The following PDE4D variants were observed in gnomAD, a reference collection of about 807,000 sequenced individuals.
PDE4D encodes 3',5'-cyclic-AMP phosphodiesterase 4D.
Under a neutral mutation model 87.4 loss-of-function variants are expected in PDE4D, and 24 were observed. That is an observed-to-expected ratio of 0.27 (90% CI 0.20 to 0.39). The LOEUF is 0.39. PDE4D is among the 10% of genes least tolerant of loss of function. The probability of loss-of-function intolerance (pLI) is 1.00; values close to 1 mark genes in which losing one functional copy is unlikely to be tolerated. For missense variants in PDE4D, 714 were observed against 1,041.0 expected (o/e 0.69, Z 4.32); for synonymous variants, 384 against 383.2 (o/e 1.00, Z -0.02).
intron 6 of PDE4D, among the ~76,000 whole-genome samples, chr5:59,025,254 T>C (rs1192174165): frequency 6.6e-6 from 1 of 152,166 alleles, no homozygotes; most frequent in African/African-American, 2.4e-5. Context: ...CCTAAATTCT[T>C]GCTACAAAGC....
intron 1 of PDE4D, among the ~76,000 whole-genome samples, chr5:60,314,261 A>G (rs551984663): frequency 2.0e-5 from 3 of 151,310 alleles, no homozygotes; most frequent in Non-Finnish European, 4.4e-5. Context: ...CCATCTCCTG[A>G]GTTCAAGTAA....
intron 5 of PDE4D, among the ~76,000 whole-genome samples, chr5:59,145,014 G>C (rs1279656103): frequency 6.6e-6 from 1 of 151,326 alleles, no homozygotes; most frequent in East Asian, 2.0e-4. Flanking sequence ...TGAAAAGTAA[G>C]TTTGAAAATG....
At chr5:60,125,923 A>G (rs140992563) in intron 2 of PDE4D, among the ~76,000 whole-genome samples, 3 of 152,320 alleles carry the variant, frequency 2.0e-5, no homozygotes, top group Non-Finnish European at 2.9e-5. Context: ...TAAGAAGATG[A>G]GGGCTATGGT....
At chr5:59,001,723 C>T (rs1483677744) in intron 6 of PDE4D, among the ~76,000 whole-genome samples, 2 of 152,184 alleles carry the variant, frequency 1.3e-5, no homozygotes, top group African/African-American at 4.8e-5. Context: ...TTTCTGAATA[C>T]AAGATTCTCC....
At chr5:59,991,201 C>CTT (rs1177423442) in intron 2 of PDE4D, among the ~76,000 whole-genome samples, 1 of 152,070 alleles carries the variant, frequency 6.6e-6, no homozygotes, top group Non-Finnish European at 1.5e-5. Flanking sequence ...AGTAATTACT[C>CTT]AGGTGGTCTT....
At chr5:59,323,819 T>C (rs184936225) in intron 1 of PDE4D, among the ~76,000 whole-genome samples, 1 of 152,228 alleles carries the variant, frequency 6.6e-6, no homozygotes. Context: ...ATTATGTCAT[T>C]TGCTGCTTAA....
intron 2 of PDE4D, among the ~76,000 whole-genome samples, chr5:59,210,466 T>C (rs1749829557): frequency 6.6e-6 from 1 of 152,288 alleles, no homozygotes; most frequent in Non-Finnish European, 1.5e-5. Flanking sequence ...TGTTAATTGC[T>C]AAAGAAAGGA....
rs545352679 is a variant in PDE4D at position 59,149,208 on chromosome 5, T to C, written c.808+31387A>G. On this transcript the variant is annotated intron_variant, in intron 5 of 14. Transcript: ENST00000340635. ...ACCAGGTGGTTAAGGACCAGTGTCTTAAAGTAAATACTCTGTATTTGAGTC... is the reference window on the plus strand; with the variant it reads ...ACCAGGTGGTTAAGGACCAGTGTCTCAAAGTAAATACTCTGTATTTGAGTC... Among the ~76,000 whole-genome samples the C allele has an allele frequency of 5.9e-5, 9 of 152,268 alleles. No individual in the cohort carries two copies. In the East Asian group the frequency reaches 1.7e-3, roughly 29 times the overall value.
intron 3 of PDE4D, among the ~76,000 whole-genome samples, chr5:59,943,428 C>CT (rs954391627): frequency 9.3e-4 from 141 of 152,288 alleles, no homozygotes; most frequent in African/African-American, 3.2e-3. Flanking sequence ...CTTCTAAACT[C>CT]TCTACTCTTC....
chr5:59,335,225 T>C (rs546202671), intron 1 of PDE4D, among the ~76,000 whole-genome samples: 1 of 152,320 alleles, frequency 6.6e-6, no homozygotes, highest in South Asian at 2.1e-4. Flanking sequence ...TGGCATAGTA[T>C]AGGTGCTCAA....
At chr5:59,894,803 C>T (rs1293452684), upstream of PDE4D, among the ~76,000 whole-genome samples, 1 of 152,208 alleles carries the variant, frequency 6.6e-6, no homozygotes. Flanking sequence ...CCAAATTCAA[C>T]TTTTGTCTTC....
chr5:59,974,818 C>G (rs1761136801), intron 3 of PDE4D, among the ~76,000 whole-genome samples: 1 of 152,154 alleles, frequency 6.6e-6, no homozygotes, highest in Non-Finnish European at 1.5e-5. Flanking sequence ...TCTATCCTCC[C>G]ATTCTCATTC....
chr5:60,081,957 C>T (rs1372325783), intron 2 of PDE4D, among the ~76,000 whole-genome samples: 5 of 152,104 alleles, frequency 3.3e-5, no homozygotes, highest in African/African-American at 1.2e-4. Context: ...ATCATAGGCA[C>T]TACTTTACAT....
chr5:59,240,311 A>G (rs1757375500), intron 1 of PDE4D, among the ~76,000 whole-genome samples: 1 of 152,208 alleles, frequency 6.6e-6, no homozygotes, highest in East Asian at 1.9e-4. Flanking sequence ...CAATTTTCCT[A>G]TTATAAACTA....
chr5:60,103,071 C>T (rs748485468), intron 2 of PDE4D, among the ~76,000 whole-genome samples: 13 of 151,974 alleles, frequency 8.6e-5, no homozygotes, highest in Admixed American at 2.6e-4. Flanking sequence ...CTCAGAGAAA[C>T]TTTGCACTAT....
chr5:60,033,312 C>T (rs1767447178), intron 2 of PDE4D, among the ~76,000 whole-genome samples: 1 of 152,046 alleles, frequency 6.6e-6, no homozygotes, highest in Non-Finnish European at 1.5e-5. Context: ...TGATAACTAC[C>T]TCATAAATGA....
intron 1 of PDE4D, among the ~76,000 whole-genome samples, chr5:60,456,232 G>A (rs1170253327): frequency 6.6e-6 from 1 of 152,158 alleles, no homozygotes; most frequent in African/African-American, 2.4e-5. Flanking sequence ...GGAATGGGGT[G>A]CTTTGGATTG....
chr5:59,373,705 G>A (rs1006565564), intron 1 of PDE4D, among the ~76,000 whole-genome samples: 1 of 152,132 alleles, frequency 6.6e-6, no homozygotes, highest in Non-Finnish European at 1.5e-5. Context: ...TACTTCACAA[G>A]AAGGTCATCC....
In PDE4D at chr5:59,021,191, C is replaced by G. The variant is rs538214930; in HGVS notation, c.921+17668G>C. On this transcript the variant is annotated intron_variant, in intron 6 of 14. Transcript: ENST00000340635. ...AGTGAAGACCTACAGGAGACCCTCT[C>G]AACTTCAATAAGAGTCTTTTTTATG... Among the ~76,000 whole-genome samples the G allele has an allele frequency of 9.9e-5, 15 of 152,246 alleles. No individual in the cohort carries two copies. In the South Asian group the frequency reaches 3.1e-3, roughly 32 times the overall value.
Sources: allele counts gnomAD v4.1 joint callset (sites outside exome capture counted in the v4.1 genomes callset), GRCh38; gene constraint gnomAD v4.1.1; transcripts MANE v1.5; gene names NCBI Gene and HGNC (gene_info 2026-07-23, HGNC 2026-07-21).